Variants in F8 observed in about 807,000 individuals in gnomAD.
F8 encodes the protein antihemophilic factor.
A neutral mutation model predicts 140.6 loss-of-function variants in F8; 12 were observed. The observed-to-expected ratio is 0.09, with a 90% CI of 0.05 to 0.14. The LOEUF is 0.14. F8 is among the 10% of genes least tolerant of loss of function. The pLI is 1.00. For missense variants in F8, 1,354 were observed against 1,720.7 expected (o/e 0.79, Z 3.77); for synonymous variants, 585 against 614.6 (o/e 0.95, Z 0.71).
chrX:154,984,755 T>A lies in F8; in HGVS notation c.719A>T (p.Asp240Val), dbSNP rs376498582. Residue 240 changes from aspartate to valine, a missense_variant, in exon 6 of 26, where the codon GAT becomes GTT. Physicochemically the swap from Asp to Val is radical, Grantham distance 152. Around this residue, in one of 4 missense-constraint regions of F8, gnomAD observed 128 missense variants for 230.4 expected, o/e 0.56. Coordinates refer to ENST00000360256, the MANE Select transcript of F8 (RefSeq NM_000132.4). ...ETKNSLMQDR[D>V]AASARAWPKM... Reference sequence around the variant, plus strand: ...AGGCCAGGCCCGAGCAGATGCAGCATCCCTATCCTGCATCAAGGAGTTCTT... The same window carrying A: ...AGGCCAGGCCCGAGCAGATGCAGCAACCCTATCCTGCATCAAGGAGTTCTT... 8.3e-7 allele frequency: 1 copy of A among 1,209,800 alleles called. No homozygotes were observed. Among genetic ancestry groups the A allele is most frequent in the African/African-American group, 1.8e-5 (1 of 57,137 alleles).
At chrX:154,945,548 C>T (rs1449207348) in intron 13 of F8, among the ~76,000 whole-genome samples, 1 of 111,936 alleles carries the variant, frequency 8.9e-6, no homozygotes, top group Non-Finnish European at 1.9e-5. Flanking sequence ...TTCAACATCC[C>T]TTCATGAGAA....
intron 6 of F8, among the ~76,000 whole-genome samples, chrX:154,970,662 C>T (rs1294697909): frequency 9.0e-6 from 1 of 111,371 alleles, no homozygotes; most frequent in African/African-American, 3.3e-5. Flanking sequence ...ACTAGAAGGC[C>T]CCAATAGGTT....
At chrX:154,937,200 G>C (rs1557279303) in intron 13 of F8, among the ~76,000 whole-genome samples, 1 of 109,962 alleles carries the variant, frequency 9.1e-6, no homozygotes, top group African/African-American at 3.3e-5. Flanking sequence ...GAAAGTATTG[G>C]AATAATAACA....
intron 1 of F8, among the ~76,000 whole-genome samples, chrX:155,001,235 T>C (rs2073644376): frequency 9.1e-6 from 1 of 110,143 alleles, no homozygotes; most frequent in Non-Finnish European, 1.9e-5. Context: ...GCTAAATTGG[T>C]AAACCAGTGA....
intron 1 of F8, among the ~76,000 whole-genome samples, chrX:155,004,008 T>TA (rs1306326853): frequency 1.0e-4 from 5 of 48,769 alleles, no homozygotes; most frequent in Admixed American, 3.9e-4. Flanking sequence ...AGCAAACAAA[T>TA]AAAAAAACCC....
chrX:154,872,545 T>G (rs1229487874), intron 22 of F8, among the ~76,000 whole-genome samples: 6 of 91,656 alleles, frequency 6.5e-5, no homozygotes, highest in Middle Eastern at 5.1e-3. Flanking sequence ...CTGGGGCCTG[T>G]TGGGGGGTGG....
At chrX:154,914,527 A>G (rs782002332) in intron 14 of F8, among the ~76,000 whole-genome samples, 2 of 111,887 alleles carry the variant, frequency 1.8e-5, no homozygotes, top group Admixed American at 1.9e-4. Context: ...ACCCCAAATC[A>G]TCTCTCTCAA....
intron 12 of F8, among the ~76,000 whole-genome samples, chrX:154,948,279 T>C (rs1345270667): frequency 9.0e-6 from 1 of 111,546 alleles, no homozygotes; most frequent in African/African-American, 3.3e-5. Flanking sequence ...GCAGGACAAG[T>C]AGTTACTTGT....
At chrX:154,900,035 G>T in intron 20 of F8, 84 bp from the exon 21 acceptor site, 2 of 846,346 alleles carry the variant, frequency 2.4e-6, no homozygotes, top group Non-Finnish European at 3.4e-6. Context: ...CTTGAGAAAG[G>T]TTAATCTAAG....
At chrX:154,849,602 T>C (rs2072598165) in intron 25 of F8, among the ~76,000 whole-genome samples, 1 of 104,826 alleles carries the variant, frequency 9.5e-6, no homozygotes, top group Admixed American at 1.1e-4. Context: ...ACTTTTGCTT[T>C]TTTATCAATC....
At chrX:154,860,301 G>T in intron 25 of F8, 131 bp downstream of exon 25, 1 of 629,894 alleles carries the variant, frequency 1.6e-6, no homozygotes, top group Non-Finnish European at 2.5e-6. Context: ...ACAATGTCTT[G>T]CTACCATAGG....
chrX:154,905,053 AGC>A, intron 15 of F8, 30 bp from the exon 16 acceptor site: 7 of 1,044,047 alleles, frequency 6.7e-6, no homozygotes, highest in Non-Finnish European at 9.4e-6. Flanking sequence ...AAAAAAAAAA[AGC>A]AAGAATAATC....
chrX:154,907,679 T>G (rs1242271238), intron 14 of F8, among the ~76,000 whole-genome samples: 3 of 112,074 alleles, frequency 2.7e-5, no homozygotes, highest in Non-Finnish European at 3.8e-5. Context: ...GATGTCCTCT[T>G]TTGTGGAGCA....
At chrX:154,953,710 A>G (rs1162691590) in intron 12 of F8, among the ~76,000 whole-genome samples, 182 bp downstream of exon 12, 2 of 112,250 alleles carry the variant, frequency 1.8e-5, no homozygotes, top group Non-Finnish European at 3.8e-5. Flanking sequence ...AAAAATGGTG[A>G]CTGGATTTTT....
intron 6 of F8, among the ~76,000 whole-genome samples, chrX:154,971,646 C>T (rs1019427005): frequency 9.0e-6 from 1 of 111,259 alleles, no homozygotes; most frequent in Admixed American, 9.6e-5. Flanking sequence ...TTCTATCTAC[C>T]TGTAACATTG....
chrX:154,878,506 C>A (rs181390471), intron 22 of F8, among the ~76,000 whole-genome samples: 5 of 104,518 alleles, frequency 4.8e-5, no homozygotes, highest in African/African-American at 1.8e-4. Context: ...AAAGAGCATT[C>A]ATAAAATACC....
rs183219504 is a variant in F8 at position 154,847,588 on chromosome X, C to G, written c.6901-9836G>C. Among the ~76,000 whole-genome samples the G allele has an allele frequency of 4.8e-3, 543 of 112,447 alleles. 3 individuals carry two copies. The highest frequency in any genetic ancestry group is 0.016 in the African/African-American group (510 of 30,961). On this transcript the variant is annotated intron_variant, in intron 25 of 25. Transcript: ENST00000360256. ...CAGTTGATCGCATCGGCTACTAAAG[C>G]TTATGCATTCGTCACATAGTTCTCG...
intron 23 of F8, 21 bp from the exon 24 acceptor site, chrX:154,861,887 A>G: frequency 8.3e-7 from 1 of 1,210,114 alleles, no homozygotes; most frequent in Non-Finnish European, 1.1e-6. Context: ...AGAAAAAAGA[A>G]GGTTATCACA....
chrX:154,902,888 C>T (rs1336138296), intron 18 of F8, among the ~76,000 whole-genome samples: 1 of 111,993 alleles, frequency 8.9e-6, no homozygotes, highest in Non-Finnish European at 1.9e-5. Flanking sequence ...TGGGGAAGCA[C>T]GATCATCACA....
Sources: allele counts gnomAD v4.1 joint callset (sites outside exome capture counted in the v4.1 genomes callset), GRCh38; gene constraint gnomAD v4.1.1; regional missense constraint gnomAD v4.1.1; transcripts MANE v1.5; gene names NCBI Gene and HGNC (gene_info 2026-07-23, HGNC 2026-07-21).